NARS2: variants seen among roughly 807,000 people sequenced by gnomAD.
NARS2 encodes asparaginyl-tRNA synthetase 2, mitochondrial, also known as asparaginyl-tRNA synthetase.
NARS2 carries 60 observed loss-of-function variants against 62.9 expected under a neutral mutation model. The observed-to-expected ratio is 0.95, with a 90% confidence interval of 0.77 to 1.18. The LOEUF is 1.18. Among genes scored for constraint, NARS2 ranks in the 50% most tolerant of loss-of-function variants. The pLI, the probability that NARS2 is intolerant of heterozygous loss-of-function variation, is 0.00. For missense variants in NARS2, 619 were observed against 576.4 expected (o/e 1.07, Z -0.76); for synonymous variants, 196 against 200.0 (o/e 0.98, Z 0.17).
chr11:78,534,033 A>T (rs1300132970), intron 5 of NARS2, among the ~76,000 whole-genome samples: 2 of 152,152 alleles, frequency 1.3e-5, no homozygotes. Flanking sequence ...TAACAGATAC[A>T]GTTTATTTCT....
chr11:78,438,640 T>G (rs191050310), intron 13 of NARS2, among the ~76,000 whole-genome samples: 5 of 152,346 alleles, frequency 3.3e-5, no homozygotes, highest in Non-Finnish European at 2.9e-5. Context: ...GAAAAAAATT[T>G]TCTAATGTAT....
Position 78,506,273 on chromosome 11 carries a change from G to T in NARS2, c.690-13078C>A, listed in dbSNP as rs201609352. On this transcript the variant is annotated intron_variant, in intron 6 of 13. Coordinates refer to ENST00000281038, the MANE Select transcript of NARS2 (RefSeq NM_024678.6). ...GCATGTAAATAATACAATTACTTCA[G>T]CAAATTACTTGGTAGATTCTTACAA... 1.2e-4 allele frequency among the ~76,000 whole-genome samples: 19 copies of T among 152,280 alleles called. No homozygotes were observed. In the East Asian group the frequency reaches 3.7e-3, roughly 29 times the overall value.
intron 6 of NARS2, among the ~76,000 whole-genome samples, chr11:78,495,473 T>C (rs536533498): frequency 6.6e-6 from 1 of 152,336 alleles, no homozygotes; most frequent in African/African-American, 2.4e-5. Flanking sequence ...ATTTATTATA[T>C]AGAACATATC....
chr11:78,487,130 C>T (rs573901583), intron 7 of NARS2, among the ~76,000 whole-genome samples: 9 of 151,686 alleles, frequency 5.9e-5, no homozygotes, highest in Non-Finnish European at 5.9e-5. Flanking sequence ...CTGAGGTGGG[C>T]GGATCACTTG....
intron 2 of NARS2, among the ~76,000 whole-genome samples, chr11:78,569,902 A>G (rs1856861918): frequency 6.6e-6 from 1 of 152,206 alleles, no homozygotes; most frequent in Non-Finnish European, 1.5e-5. Flanking sequence ...TACCATTAAT[A>G]TTAGGGCCAG....
chr11:78,474,555 A>G (rs758674124), intron 9 of NARS2, among the ~76,000 whole-genome samples: 4 of 152,218 alleles, frequency 2.6e-5, no homozygotes, highest in Non-Finnish European at 5.9e-5. Flanking sequence ...ATAAATAGTG[A>G]TATTAGCCAA....
intron 3 of NARS2, 48 bp downstream of exon 3, chr11:78,568,584 T>C (rs759429851): frequency 1.1e-5 from 17 of 1,580,136 alleles, no homozygotes; most frequent in Admixed American, 3.7e-5. Flanking sequence ...CAGATTGCTG[T>C]CTTAATTAAA....
intron 11 of NARS2, among the ~76,000 whole-genome samples, chr11:78,451,353 A>G (rs1857965769): frequency 6.6e-6 from 1 of 152,170 alleles, no homozygotes; most frequent in South Asian, 2.1e-4. Flanking sequence ...TACTAGAAAA[A>G]CTACCTCTTT....
Position 78,465,881 on chromosome 11 carries a change from G to A in NARS2, c.1159C>T (p.His387Tyr), listed in dbSNP as rs569629223. The change falls in exon 11 of 14, where the codon CAC becomes TAC. Residue 387 changes from histidine (H) to tyrosine (Y), a missense_variant. Physicochemically the swap from His to Tyr is moderately conservative, Grantham distance 83 (BLOSUM62 2). Coordinates refer to ENST00000281038, the MANE Select transcript of NARS2 (RefSeq NM_024678.6). ...TATTTAGTATCTCTTCTTACCGTGTGCTGAGGGCCATCTTCATTATCCCTC... is the reference window on the plus strand; with the variant it reads ...TATTTAGTATCTCTTCTTACCGTGTACTGAGGGCCATCTTCATTATCCCTC... Reference protein sequence around the residue: ...YMRDNEDGPQHTVAAVDLLVP... With the variant: ...YMRDNEDGPQYTVAAVDLLVP... 27 of 1,614,122 alleles carry A rather than the reference G, an allele frequency of 1.7e-5. No individual in the cohort carries two copies. Among genetic ancestry groups the A allele is most frequent in the African/African-American group, 6.7e-5 (5 of 75,040 alleles).
At chr11:78,519,841 C>A (rs1209104405) in intron 6 of NARS2, among the ~76,000 whole-genome samples, 2 of 152,046 alleles carry the variant, frequency 1.3e-5, no homozygotes, top group Non-Finnish European at 2.9e-5. Flanking sequence ...GCTGGGACTA[C>A]AGGCGCATGC....
At chr11:78,475,332 A>G (rs1409098585) in intron 9 of NARS2, among the ~76,000 whole-genome samples, 8 of 152,172 alleles carry the variant, frequency 5.3e-5, no homozygotes, top group African/African-American at 1.7e-4. Context: ...GGTTGATTCC[A>G]TATCTTGGCT....
intron 7 of NARS2, among the ~76,000 whole-genome samples, chr11:78,487,575 T>C (rs1274608949): frequency 1.3e-5 from 2 of 151,986 alleles, no homozygotes; most frequent in Non-Finnish European, 2.9e-5. Flanking sequence ...CTCCCCCAAG[T>C]TGGCTAAAGA....
At chr11:78,493,945 G>T (rs1384604959) in intron 6 of NARS2, among the ~76,000 whole-genome samples, 1 of 152,050 alleles carries the variant, frequency 6.6e-6, no homozygotes, top group Non-Finnish European at 1.5e-5. Context: ...GATAAGGTGT[G>T]TTCATTTATT....
rs538440759 is a variant in NARS2, at chr11:78,523,832, T to A, written c.689+5010A>T. Among the ~76,000 whole-genome samples the A allele has an allele frequency of 4.0e-4, 61 of 151,958 alleles. 1 individual carries two copies. Among genetic ancestry groups the A allele is most frequent in the African/African-American group, 1.4e-3 (60 of 41,446 alleles). On this transcript the variant is annotated intron_variant, in intron 6 of 13. Transcript: ENST00000281038. ...TGGGGGCAAAGAAGAGGATAGGGAG[T>A]GAATGCTAATGGAAAAAATTTGTCT...
At chr11:78,535,573 A>G (rs1861640658) in intron 5 of NARS2, among the ~76,000 whole-genome samples, 2 of 151,038 alleles carry the variant, frequency 1.3e-5, no homozygotes, top group South Asian at 4.2e-4. Flanking sequence ...TTTATTTTTA[A>G]TTATTTTGTT....
intron 7 of NARS2, among the ~76,000 whole-genome samples, chr11:78,484,603 A>G (rs938040359): frequency 2.0e-5 from 3 of 151,628 alleles, no homozygotes; most frequent in Non-Finnish European, 4.4e-5. Context: ...ACTTCTTAAA[A>G]ATTTATGCAG....
chr11:78,557,218 A>G (rs920255074), intron 5 of NARS2, among the ~76,000 whole-genome samples: 1 of 152,224 alleles, frequency 6.6e-6, no homozygotes, highest in African/African-American at 2.4e-5. Flanking sequence ...CTGCCCTCTT[A>G]TCTTTAAATG....
intron 12 of NARS2, among the ~76,000 whole-genome samples, chr11:78,442,619 C>CT (rs1371130209): frequency 4.6e-5 from 6 of 130,322 alleles, no homozygotes; most frequent in East Asian, 2.4e-4. Context: ...ATGGTAAAGT[C>CT]TTTCTTTTTT....
intron 11 of NARS2, among the ~76,000 whole-genome samples, chr11:78,455,440 T>G (rs1054097002): frequency 2.0e-5 from 3 of 152,170 alleles, no homozygotes; most frequent in African/African-American, 7.2e-5. Flanking sequence ...TATACAGTTC[T>G]ATAAATTTTC....
Sources: allele counts gnomAD v4.1 joint callset (sites outside exome capture counted in the v4.1 genomes callset), GRCh38; gene constraint gnomAD v4.1.1; transcripts MANE v1.5; gene names NCBI Gene and HGNC (gene_info 2026-07-23, HGNC 2026-07-21).